BMPER: variants seen among roughly 807,000 people sequenced by gnomAD.
BMPER encodes the protein BMP binding endothelial regulator.
Under a neutral mutation model 87.3 loss-of-function variants are expected in BMPER, and 45 were observed. That is an observed-to-expected ratio of 0.52 (90% CI 0.41 to 0.66). The LOEUF (loss-of-function observed/expected upper bound fraction) is 0.66, where lower values mean the gene tolerates loss of function less well. Ranked by LOEUF, BMPER falls within the 30% of genes least tolerant of loss-of-function variation. BMPER has a pLI of 0.00. For synonymous variants in BMPER, 326 were observed against 316.2 expected, an observed-to-expected ratio of 1.03 and a Z score of -0.33; for missense variants, 784 against 867.5, an observed-to-expected ratio of 0.90 and a Z score of 1.21.
intron 3 of BMPER, among the ~76,000 whole-genome samples, chr7:33,938,322 C>T (rs1312589253): frequency 6.6e-6 from 1 of 152,170 alleles, no homozygotes; most frequent in Non-Finnish European, 1.5e-5. Context: ...CTTGGAAGCT[C>T]AGAATGTGAC....
intron 2 of BMPER, among the ~76,000 whole-genome samples, chr7:33,933,757 TC>T (rs1784536186): frequency 6.6e-6 from 1 of 152,114 alleles, no homozygotes. Flanking sequence ...GACACCAATC[TC>T]CCCTGGGGCC....
At chr7:34,073,276 T>C (rs886376052) in intron 11 of BMPER, among the ~76,000 whole-genome samples, 1 of 152,218 alleles carries the variant, frequency 6.6e-6, no homozygotes, top group African/African-American at 2.4e-5. Flanking sequence ...AAGTGCATCA[T>C]TAGGCAATTT....
chr7:34,005,447 T>A (rs1269660453), intron 6 of BMPER, among the ~76,000 whole-genome samples: 3 of 152,212 alleles, frequency 2.0e-5, no homozygotes, highest in East Asian at 1.9e-4. Context: ...TTTTACATTT[T>A]TTTTAATTTT....
intron 10 of BMPER, among the ~76,000 whole-genome samples, chr7:34,060,204 A>G (rs1048062053): frequency 6.6e-5 from 10 of 152,046 alleles, no homozygotes; most frequent in African/African-American, 2.2e-4. Flanking sequence ...TAGTGATATC[A>G]TCACTGCCAC....
chr7:33,917,563 C>T (rs1329581712), intron 2 of BMPER, among the ~76,000 whole-genome samples: 5 of 151,936 alleles, frequency 3.3e-5, no homozygotes, highest in Non-Finnish European at 7.4e-5. Context: ...TCACTGACCA[C>T]AGCATGTCCC....
rs2127997660 is a variant in BMPER, at chr7:34,154,041, C to T, written c.*768C>T. The T allele has an allele frequency of 6.6e-6, 1 of 152,634 alleles. No homozygotes were observed. The highest frequency in any genetic ancestry group is 1.9e-4 in the East Asian group (1 of 5,176). 9.5% of individuals were successfully genotyped at this position (152,634 alleles called of 1,614,324 possible). On this transcript the variant is annotated 3_prime_UTR_variant, in exon 15 of 15. Coordinates refer to ENST00000649409, the MANE Select transcript of BMPER (RefSeq NM_001365308.1). The stretch of plus-strand genomic sequence containing the variant: ...TTGAAATTAAAGGGTGTCTGGATGC[C>T]ATGTTAATTTTATTGAGCATGAGAA...
At chr7:34,117,393 G>A (rs1028042698) in intron 13 of BMPER, among the ~76,000 whole-genome samples, 6 of 152,078 alleles carry the variant, frequency 3.9e-5, no homozygotes, top group African/African-American at 1.2e-4. Context: ...CAGAAGCACC[G>A]AACTCAGCTG....
intron 12 of BMPER, among the ~76,000 whole-genome samples, chr7:34,083,614 G>A (rs1481642216): frequency 1.3e-5 from 2 of 152,132 alleles, no homozygotes; most frequent in Non-Finnish European, 2.9e-5. Flanking sequence ...TGTGGCAGTT[G>A]TATGACCTAC....
chr7:34,105,607 T>G (rs535166669), intron 13 of BMPER, among the ~76,000 whole-genome samples: 1 of 152,362 alleles, frequency 6.6e-6, no homozygotes, highest in African/African-American at 2.4e-5. Context: ...ATAGGTGGAT[T>G]CCTTAGTGAG....
At chr7:34,036,382 G>C (rs1364369577) in intron 6 of BMPER, among the ~76,000 whole-genome samples, 1 of 152,132 alleles carries the variant, frequency 6.6e-6, no homozygotes, top group Non-Finnish European at 1.5e-5. Flanking sequence ...ATATTAGGAG[G>C]TGTTCTCCTG....
intron 11 of BMPER, among the ~76,000 whole-genome samples, chr7:34,077,143 A>G (rs1409844943): frequency 1.3e-5 from 2 of 152,174 alleles, no homozygotes; most frequent in Admixed American, 6.5e-5. Flanking sequence ...CAACATTTTC[A>G]TGGCCAGGGA....
At chr7:33,905,896 C>G in intron 1 of BMPER, 150 bp downstream of exon 1, 1 of 1,159,704 alleles carries the variant, frequency 8.6e-7, no homozygotes, top group Non-Finnish European at 1.2e-6. Context: ...AGCGAAGCCC[C>G]GGGAGGGCTG....
At chr7:33,983,493 G>A (rs1785916020) in intron 6 of BMPER, among the ~76,000 whole-genome samples, 1 of 152,148 alleles carries the variant, frequency 6.6e-6, no homozygotes, top group Non-Finnish European at 1.5e-5. Context: ...TACTGAATGT[G>A]TACCCTGTGC....
intron 13 of BMPER, among the ~76,000 whole-genome samples, chr7:34,089,719 G>A (rs561940252): frequency 3.3e-5 from 5 of 152,134 alleles, no homozygotes; most frequent in African/African-American, 9.6e-5. Context: ...CCTGACCTCA[G>A]GTGATCTGCC....
upstream of BMPER, chr7:33,905,364 A>G (rs868369612): frequency 5.1e-4 from 218 of 427,756 alleles, 4 homozygotes; most frequent in Middle Eastern, 1.5e-3. Context: ...CTCAGGAAAA[A>G]AAAAAAAAAA....
At chr7:33,920,680 C>T (rs997176504) in intron 2 of BMPER, among the ~76,000 whole-genome samples, 15 of 151,874 alleles carry the variant, frequency 9.9e-5, no homozygotes, top group Non-Finnish European at 1.9e-4. Flanking sequence ...CACCTTGGCC[C>T]CCCCAAAGTG....
chr7:34,152,808 C>T (rs988153871), intron 14 of BMPER, among the ~76,000 whole-genome samples: 2 of 151,984 alleles, frequency 1.3e-5, no homozygotes, highest in Admixed American at 1.3e-4. Context: ...ACTAAATAGC[C>T]TTAAAGATTT....
In BMPER at chr7:33,921,968, C is replaced by T. The variant is rs565712208; in HGVS notation, c.219+15065C>T. The T allele has an allele frequency of 4.7e-5, 19 of 402,552 alleles. No homozygotes were observed. In the East Asian group the frequency reaches 1.0e-3, roughly 22 times the overall value. 24.9% of individuals were successfully genotyped at this position (402,552 alleles called of 1,614,324 possible). ...AACCTCTGCAAGAAGCTATTTCCTT[C>T]GGCTGGCAACTTACAGCCAGCAGGT... On this transcript the variant is annotated intron_variant, in intron 2 of 14. Coordinates refer to ENST00000649409, the MANE Select transcript of BMPER (RefSeq NM_001365308.1).
Position 34,079,033 on chromosome 7 carries a change from A to G in BMPER, c.1255A>G (p.Lys419Glu). Residue 419 changes from lysine (K) to glutamate (E), a missense_variant, in exon 12 of 15, where the codon AAG becomes GAG. Physicochemically the swap from Lys to Glu is moderately conservative, Grantham distance 56. Transcript: ENST00000649409. ...ARRTRSFSWT[K>E]SVELVLGESR... ...CCGGACACGCTCCTTCTCGTGGACC[A>G]AGTCGGTGGAGCTGGTGCTGGGCGA... The G allele has an allele frequency of 6.2e-7, 1 of 1,614,204 alleles. No individual in the cohort carries two copies. The highest frequency in any genetic ancestry group is 1.1e-5 in the South Asian group (1 of 91,084).
Sources: allele counts gnomAD v4.1 joint callset (sites outside exome capture counted in the v4.1 genomes callset), GRCh38; gene constraint gnomAD v4.1.1; transcripts MANE v1.5; gene names NCBI Gene and HGNC (gene_info 2026-07-23, HGNC 2026-07-21).